Variants in LRRC27 observed in about 807,000 individuals in gnomAD.
LRRC27 encodes leucine-rich repeat-containing protein 27.
In LRRC27, 57 loss-of-function variants were observed where a neutral mutation model predicts 55.0. The ratio of observed to expected loss-of-function variants is 1.04; its 90% CI spans 0.84 to 1.29. LRRC27 has a LOEUF of 1.29. LRRC27 is among the 50% of genes most tolerant of loss of function. The probability of loss-of-function intolerance (pLI) is 0.00; values close to 1 mark genes in which losing one functional copy is unlikely to be tolerated. For missense variants in LRRC27, 721 were observed against 651.5 expected (o/e 1.11, Z -1.16); for synonymous variants, 278 against 251.9 (o/e 1.10, Z -0.98).
chr10:132,347,834 C>T (rs1017358113), intron 5 of LRRC27, 150 bp from the exon 6 acceptor site: 13 of 974,162 alleles, frequency 1.3e-5, no homozygotes, highest in African/African-American at 3.3e-5. Flanking sequence ...GGTGGGGTGA[C>T]GGGAATTGTT....
At chr10:132,366,962 G>A in intron 10 of LRRC27, 1 of 1,277,798 alleles carries the variant, frequency 7.8e-7, no homozygotes, top group Non-Finnish European at 1.0e-6. Flanking sequence ...AGCCCAAGGA[G>A]TTTGTATCTG....
chr10:132,373,514 T>A (rs910678299), intron 10 of LRRC27, among the ~76,000 whole-genome samples: 3 of 152,112 alleles, frequency 2.0e-5, no homozygotes, highest in Non-Finnish European at 1.5e-5. Context: ...CTGGTCGCGG[T>A]GATGGCACTG....
intron 8 of LRRC27, among the ~76,000 whole-genome samples, chr10:132,357,023 G>T (rs920959558): frequency 5.9e-5 from 9 of 152,272 alleles, no homozygotes; most frequent in African/African-American, 2.2e-4. Context: ...GGCGTGGACT[G>T]CTTGGACAGT....
intron 7 of LRRC27, chr10:132,353,061 C>T (rs945652633): frequency 1.3e-6 from 2 of 1,541,970 alleles, no homozygotes; most frequent in African/African-American, 1.4e-5. Flanking sequence ...CTGGCTTCAC[C>T]CCTCCCTGGG....
intron 10 of LRRC27, among the ~76,000 whole-genome samples, chr10:132,367,416 C>CT (rs1233871965): frequency 6.6e-6 from 1 of 152,182 alleles, no homozygotes; most frequent in East Asian, 1.9e-4. Context: ...CAGCATTACT[C>CT]TAATACCAAA....
At chr10:132,334,443 G>T (rs1333888596) in intron 2 of LRRC27, among the ~76,000 whole-genome samples, 1 of 152,192 alleles carries the variant, frequency 6.6e-6, no homozygotes, top group Admixed American at 6.5e-5. Flanking sequence ...GTTTCACCAT[G>T]TTGCCCAGGC....
upstream of LRRC27, chr10:132,331,923 CA>C (rs1219637548): frequency 1.7e-3 from 1,123 of 680,360 alleles, 5 homozygotes; most frequent in Non-Finnish European, 1.6e-3. Context: ...ACAACCCCCC[CA>C]CCGCAAGCGC....
chr10:132,367,889 G>C (rs997574006), intron 10 of LRRC27, among the ~76,000 whole-genome samples: 1 of 152,080 alleles, frequency 6.6e-6, no homozygotes, highest in Admixed American at 6.5e-5. Context: ...GGAAACAAAA[G>C]GTATATAGAT....
chr10:132,351,174 C>A, intron 6 of LRRC27: 1 of 171,522 alleles, frequency 5.8e-6, no homozygotes. Context: ...CAGCACCACC[C>A]CATGCACCTG....
Position 132,364,480 on chromosome 10 carries a change from C to CGCTTACATCTACCT in LRRC27, c.1290-944_1290-943insGCTTACATCTACCT, listed in dbSNP as rs1564853620. ...TCACACCCACCCACACTTACACCCA[C>CGCTTACATCTACCT]CCACACTTACACCCACCCTTACATC... is the stretch of plus-strand genomic sequence containing the variant. On this transcript the variant is annotated intron_variant, in intron 9 of 10. Transcript: ENST00000368614. 1.8e-4 allele frequency among the ~76,000 whole-genome samples: 27 copies of CGCTTACATCTACCT among 148,386 alleles called. 3 individuals carry two copies. Among genetic ancestry groups the CGCTTACATCTACCT allele is most frequent in the African/African-American group, 5.3e-4 (21 of 39,602 alleles).
chr10:132,364,507 A>C (rs2068883872), intron 9 of LRRC27, among the ~76,000 whole-genome samples: 2 of 2,536 alleles, frequency 7.9e-4, no homozygotes, highest in African/African-American at 7.9e-4. Context: ...CCTTACATCT[A>C]CCTCCACACT....
At chr10:132,347,466 T>G (rs950017402) in intron 5 of LRRC27, among the ~76,000 whole-genome samples, 1 of 150,120 alleles carries the variant, frequency 6.7e-6, no homozygotes, top group Non-Finnish European at 1.5e-5. Context: ...TGTGGGAAGG[T>G]CACATGTGTC....
In LRRC27 at chr10:132,348,167, C is replaced by T. The variant is rs1029239713; in HGVS notation, c.737C>T (p.Ser246Phe). ...CCAGACCTGAGTGAACTCAGGAAGT[C>T]TGCGGACTCCTCAGAGAACTGGCCC... ...EKPDLSELRKSADSSENWPSE... is the reference protein window; with the variant it reads ...EKPDLSELRKFADSSENWPSE... Residue 246 changes from serine (S) to phenylalanine (F), a missense_variant, in exon 6 of 11, where the codon TCT (serine) becomes TTT (phenylalanine). Coordinates refer to ENST00000368614, the MANE Select transcript of LRRC27 (RefSeq NM_030626.3). The surrounding 1 kb of genome is among the most constrained non-coding windows in gnomAD (Gnocchi z 4.2). 1 of 1,614,076 alleles carries T rather than the reference C, an allele frequency of 6.2e-7. No individual in the cohort carries two copies. Among genetic ancestry groups the T allele is most frequent in the African/African-American group, 1.3e-5 (1 of 75,034 alleles).
At chr10:132,354,021 G>A (rs2068191058) in intron 7 of LRRC27, among the ~76,000 whole-genome samples, 1 of 152,194 alleles carries the variant, frequency 6.6e-6, no homozygotes, top group South Asian at 2.1e-4. Flanking sequence ...TGCCCTGCCA[G>A]GAGGCTGCCT....
Position 132,381,110 on chromosome 10 carries a change from G to A in LRRC27, c.*5868G>A, listed in dbSNP as rs1374384759. Among the ~76,000 whole-genome samples, 13 of 152,232 alleles carry A rather than the reference G, an allele frequency of 8.5e-5. No individual in the cohort carries two copies. The East Asian group carries it at 2.3e-3, about 27-fold the overall frequency. ...AGAAGAGATTAACATTTGAGTCAGTGGACTGGGAGAAGACCCACCACAGTG... is the reference window on the plus strand; with the variant it reads ...AGAAGAGATTAACATTTGAGTCAGTAGACTGGGAGAAGACCCACCACAGTG... On this transcript the variant is annotated 3_prime_UTR_variant, in exon 11 of 11. Transcript: ENST00000368614.
In LRRC27 at chr10:132,351,667, G is replaced by A. The variant is rs760217698; in HGVS notation, c.987G>A (p.Ala329=). 4.1e-5 allele frequency: 66 copies of A among 1,614,056 alleles called. No homozygotes were observed. Among genetic ancestry groups the A allele is most frequent in the Middle Eastern group, 1.7e-4 (1 of 6,060 alleles). Residue 329 remains alanine (A), a synonymous_variant, in exon 7 of 11, where the codon GCG becomes GCA. Transcript: ENST00000368614. ...LPDLLSPYQM[A]IRAKRLEESR... Reference sequence around the variant, plus strand: ...ACCTCTTGTCACCGTACCAAATGGCGATCCGAGCAAAAAGACTGGAAGAGA... The same window carrying A: ...ACCTCTTGTCACCGTACCAAATGGCAATCCGAGCAAAAAGACTGGAAGAGA...
intron 2 of LRRC27, among the ~76,000 whole-genome samples, chr10:132,333,957 A>C (rs573742044): frequency 6.6e-6 from 1 of 152,370 alleles, no homozygotes; most frequent in South Asian, 2.1e-4. Context: ...TATTTAGATG[A>C]AGGTGTCTGT....
At chr10:132,360,934 G>A (rs1215371920) in intron 8 of LRRC27, among the ~76,000 whole-genome samples, 2 of 152,240 alleles carry the variant, frequency 1.3e-5, no homozygotes, top group African/African-American at 2.4e-5. Flanking sequence ...TCTCACATGT[G>A]TCCACTGGAG....
intron 5 of LRRC27, among the ~76,000 whole-genome samples, chr10:132,346,176 G>A (rs1202617690): frequency 1.3e-5 from 2 of 152,222 alleles, no homozygotes; most frequent in South Asian, 2.1e-4. Flanking sequence ...TCGGGGGCCA[G>A]GCACCAGCGG....
Sources: gnomAD v4.1 joint callset for allele counts (sites outside exome capture counted in the v4.1 genomes callset) on GRCh38, gnomAD v4.1.1 for gene constraint, Gnocchi (gnomAD v3.1) non-coding constraint, MANE v1.5 for transcripts, NCBI Gene and HGNC (gene_info 2026-07-23, HGNC 2026-07-21) for gene names.